SWT1: variants seen among roughly 807,000 people sequenced by gnomAD.
The protein encoded by SWT1 is SWT1 RNA endoribonuclease homolog, also known as transcriptional protein SWT1.
SWT1 carries 33 observed loss-of-function variants against 107.3 expected under a neutral mutation model. The ratio of observed to expected loss-of-function variants is 0.31; its 90% CI spans 0.23 to 0.41. The LOEUF (loss-of-function observed/expected upper bound fraction) is 0.41, where lower values mean the gene tolerates loss of function less well. Among genes scored for constraint, SWT1 ranks in the 10% least tolerant of loss-of-function variants. The pLI is 1.00. For missense variants in SWT1, 898 were observed against 1,028.9 expected, an observed-to-expected ratio of 0.87 and a Z score of 1.74; for synonymous variants, 345 against 348.3, an observed-to-expected ratio of 0.99 and a Z score of 0.11.
chr1:185,171,135 C>T (rs943478241), intron 4 of SWT1, among the ~76,000 whole-genome samples: 9 of 150,248 alleles, frequency 6.0e-5, no homozygotes, highest in African/African-American at 2.2e-4. Flanking sequence ...CTGGTATTAC[C>T]ATTAGAATTG....
At chr1:185,214,184 T>C (rs761484597) in intron 13 of SWT1, among the ~76,000 whole-genome samples, 4 of 152,132 alleles carry the variant, frequency 2.6e-5, no homozygotes, top group Non-Finnish European at 5.9e-5. Flanking sequence ...TTGAAATCTG[T>C]GGTTTGACTT....
intron 9 of SWT1, among the ~76,000 whole-genome samples, chr1:185,187,294 A>C (rs953913323): frequency 1.3e-5 from 2 of 151,938 alleles, no homozygotes; most frequent in African/African-American, 2.4e-5. Context: ...TCCTGACCTC[A>C]GGTGATCCAC....
intron 5 of SWT1, among the ~76,000 whole-genome samples, chr1:185,177,878 A>G (rs749211971): frequency 6.6e-6 from 1 of 152,202 alleles, no homozygotes; most frequent in Non-Finnish European, 1.5e-5. Context: ...AATTCTTACA[A>G]GACTAAAGTA....
intron 16 of SWT1, among the ~76,000 whole-genome samples, chr1:185,250,453 C>A (rs1490309618): frequency 6.6e-6 from 1 of 152,104 alleles, no homozygotes. Flanking sequence ...ATAGTTCTTA[C>A]ACTGCTAAGT....
At chr1:185,261,694 G>A (rs1462421036) in intron 16 of SWT1, among the ~76,000 whole-genome samples, 3 of 149,664 alleles carry the variant, frequency 2.0e-5, no homozygotes, top group Non-Finnish European at 4.4e-5. Context: ...TTTTTAAATA[G>A]TAGTCATCCT....
At chr1:185,189,683 G>A (rs777837302) in intron 9 of SWT1, among the ~76,000 whole-genome samples, 11 of 151,722 alleles carry the variant, frequency 7.3e-5, no homozygotes, top group Non-Finnish European at 1.3e-4. Context: ...TTTTAATAGC[G>A]AACTAACCAC....
chr1:185,243,143 C>T (rs190218905), intron 16 of SWT1, among the ~76,000 whole-genome samples: 2 of 152,244 alleles, frequency 1.3e-5, no homozygotes. Context: ...GGGTTTCACT[C>T]GGATGCCCAG....
chr1:185,227,255 T>G, intron 15 of SWT1: 1 of 764,734 alleles, frequency 1.3e-6, no homozygotes. Flanking sequence ...TGGCAAGACC[T>G]GCATCCAAAT....
chr1:185,191,657 A>G (rs745802186), intron 10 of SWT1, among the ~76,000 whole-genome samples: 77 of 152,150 alleles, frequency 5.1e-4, no homozygotes, highest in Non-Finnish European at 8.7e-4. Context: ...TTATATTTTG[A>G]TCTAGGACAT....
chr1:185,181,671 A>G (rs1656029183), intron 6 of SWT1, among the ~76,000 whole-genome samples: 1 of 152,222 alleles, frequency 6.6e-6, no homozygotes, highest in East Asian at 1.9e-4. Context: ...AAGGAAATAG[A>G]TATTAAAGAT....
chr1:185,270,201 C>T (rs767795806), intron 16 of SWT1, among the ~76,000 whole-genome samples: 28 of 150,716 alleles, frequency 1.9e-4, no homozygotes, highest in Non-Finnish European at 3.5e-4. Flanking sequence ...ACCAAGGTCA[C>T]ACAGCTAGAC....
chr1:185,278,803 AC>A (rs1664424279), intron 18 of SWT1, among the ~76,000 whole-genome samples: 1 of 152,232 alleles, frequency 6.6e-6, no homozygotes, highest in African/African-American at 2.4e-5. Context: ...AAAGGTAGGA[AC>A]TTAATAAAAG....
chr1:185,281,472 T>C (rs1664612765), intron 18 of SWT1: 1 of 186,852 alleles, frequency 5.4e-6, no homozygotes, highest in African/African-American at 2.4e-5. Context: ...TAACCAGGTC[T>C]ATGCATGGCT....
At chr1:185,205,500 C>A (rs926919738) in intron 12 of SWT1, among the ~76,000 whole-genome samples, 5 of 152,148 alleles carry the variant, frequency 3.3e-5, no homozygotes, top group Admixed American at 1.3e-4. Flanking sequence ...CCCCAAGCAG[C>A]TGGGATTACA....
chr1:185,186,700 G>C (rs1011544772), intron 9 of SWT1, among the ~76,000 whole-genome samples: 9 of 151,494 alleles, frequency 5.9e-5, no homozygotes, highest in African/African-American at 2.2e-4. Flanking sequence ...TTACCTGATG[G>C]GTTTATCAGT....
intron 5 of SWT1, among the ~76,000 whole-genome samples, chr1:185,177,819 C>T (rs1356895679): frequency 3.3e-5 from 5 of 152,120 alleles, no homozygotes; most frequent in African/African-American, 1.2e-4. Flanking sequence ...AAATTAATGT[C>T]CTAGAGATTT....
intron 16 of SWT1, among the ~76,000 whole-genome samples, chr1:185,266,832 T>C (rs1571665224): frequency 6.6e-6 from 1 of 152,246 alleles, no homozygotes; most frequent in African/African-American, 2.4e-5. Context: ...GTGTCAGTTC[T>C]GTTAACCAAC....
At chr1:185,242,143 A>C (rs1661290381) in intron 16 of SWT1, among the ~76,000 whole-genome samples, 1 of 152,180 alleles carries the variant, frequency 6.6e-6, no homozygotes, top group African/African-American at 2.4e-5. Flanking sequence ...AGACACATAT[A>C]AGGTCATATG....
chr1:185,212,217 TAAAAA>T (rs920748071), intron 13 of SWT1, among the ~76,000 whole-genome samples: 10 of 151,876 alleles, frequency 6.6e-5, no homozygotes, highest in African/African-American at 2.2e-4. Context: ...AATAATAAAA[TAAAAA>T]AAATAAAGCA....
Sources: allele counts gnomAD v4.1 joint callset (sites outside exome capture counted in the v4.1 genomes callset), GRCh38; gene constraint gnomAD v4.1.1; transcripts MANE v1.5; gene names NCBI Gene and HGNC (gene_info 2026-07-23, HGNC 2026-07-21).